Variants in PHF20 observed in about 807,000 individuals in gnomAD.
PHF20 encodes glioma-expressed antigen 2.
A neutral mutation model predicts 113.5 loss-of-function variants in PHF20; 23 were observed. That is an observed-to-expected ratio of 0.20 (90% confidence interval 0.15 to 0.29). The LOEUF (loss-of-function observed/expected upper bound fraction) is 0.29, where lower values mean the gene tolerates loss of function less well. PHF20 is among the 10% of genes least tolerant of loss of function. PHF20 has a pLI of 1.00. For synonymous variants in PHF20, 434 were observed against 457.3 expected (o/e 0.95, Z 0.65); for missense variants, 943 against 1,219.6 (o/e 0.77, Z 3.38).
intron 9 of PHF20, among the ~76,000 whole-genome samples, chr20:35,873,321 G>C (rs985694551): frequency 1.3e-5 from 2 of 151,792 alleles, no homozygotes; most frequent in East Asian, 3.9e-4. Context: ...GGTTGGCCTC[G>C]AACTCCTGAC....
At chr20:35,895,662 C>A (rs1199595491) in intron 9 of PHF20, among the ~76,000 whole-genome samples, 1 of 146,726 alleles carries the variant, frequency 6.8e-6, no homozygotes, top group Non-Finnish European at 1.5e-5. Context: ...TGTTTCACAT[C>A]GTGTCACTTT....
At chr20:35,795,156 C>T (rs1007348905) in intron 1 of PHF20, among the ~76,000 whole-genome samples, 1 of 149,186 alleles carries the variant, frequency 6.7e-6, no homozygotes, top group Non-Finnish European at 1.5e-5. Context: ...TGCACCATTG[C>T]ACTGTAGCCT....
At chr20:35,909,083 G>A (rs1190522628) in intron 10 of PHF20, among the ~76,000 whole-genome samples, 2 of 152,144 alleles carry the variant, frequency 1.3e-5, no homozygotes, top group Middle Eastern at 3.4e-3. Flanking sequence ...AGTAGAGAGA[G>A]AGGCACCTTG....
chr20:35,874,450 T>C (rs538027620), intron 9 of PHF20, among the ~76,000 whole-genome samples: 2 of 152,272 alleles, frequency 1.3e-5, no homozygotes, highest in South Asian at 4.2e-4. Flanking sequence ...TCTTATAGGT[T>C]CCTGATGACA....
At chr20:35,835,760 C>G (rs550325056) in intron 2 of PHF20, among the ~76,000 whole-genome samples, 40 of 152,126 alleles carry the variant, frequency 2.6e-4, no homozygotes, top group African/African-American at 8.9e-4. Context: ...TGAAACCCGT[C>G]TCTACTAAAA....
intron 11 of PHF20, 69 bp from the exon 12 acceptor site, chr20:35,913,964 T>A: frequency 1.4e-6 from 2 of 1,408,546 alleles, no homozygotes; most frequent in Non-Finnish European, 2.0e-6. Flanking sequence ...GTTGGTTGGA[T>A]GAGATTGATT....
chr20:35,883,027 CAAA>C (rs971975145), intron 9 of PHF20, among the ~76,000 whole-genome samples: 5 of 63,436 alleles, frequency 7.9e-5, no homozygotes, highest in Non-Finnish European at 6.6e-5. Context: ...CACTCTGTCT[CAAA>C]AAAAAAAAAA....
In PHF20 at chr20:35,839,476, C is replaced by T. The variant is rs961861471; in HGVS notation, c.84-3097C>T. ...TTATTTTAGAGAGGTTTACTAGCCT[C>T]AGGTAGGCTGAATGAATGAGAGGGT... On this transcript the variant is annotated intron_variant, in intron 2 of 17. Transcript: ENST00000374012. 7.2e-5 allele frequency among the ~76,000 whole-genome samples: 11 copies of T among 151,762 alleles called. No homozygotes were observed. The South Asian group carries it at 1.5e-3, about 20-fold the overall frequency.
In PHF20 at chr20:35,949,054, T is replaced by C. The variant is rs1186161583; in HGVS notation, c.*1427T>C. 6.5e-6 allele frequency: 1 copy of C among 152,674 alleles called. No individual in the cohort carries two copies. The highest frequency in any genetic ancestry group is 1.5e-5 in the Non-Finnish European group (1 of 68,044). 9.5% of individuals were successfully genotyped at this position (152,674 alleles called of 1,614,324 possible). ...ATTCAGGCCTCTGTACTAAAATCTA[T>C]TTCAGGGAATGTTCTGTCTAGTGAT... is the stretch of plus-strand genomic sequence containing the variant. On this transcript the variant is annotated 3_prime_UTR_variant, in exon 18 of 18. Coordinates refer to ENST00000374012, the MANE Select transcript of PHF20 (RefSeq NM_016436.5).
intron 13 of PHF20, among the ~76,000 whole-genome samples, chr20:35,918,604 A>G (rs949882782): frequency 2.0e-5 from 3 of 152,242 alleles, no homozygotes; most frequent in African/African-American, 4.8e-5. Context: ...GAGGCTAGGT[A>G]GACCAAGGTC....
chr20:35,785,858 C>G (rs1385149607), intron 1 of PHF20, among the ~76,000 whole-genome samples: 1 of 149,912 alleles, frequency 6.7e-6, no homozygotes, highest in Non-Finnish European at 1.5e-5. Flanking sequence ...CAGTGAAATC[C>G]CGTCTCTACT....
intron 2 of PHF20, among the ~76,000 whole-genome samples, chr20:35,809,505 G>C (rs752738770): frequency 6.6e-6 from 1 of 151,668 alleles, no homozygotes; most frequent in Non-Finnish European, 1.5e-5. Context: ...TTTGAACCTG[G>C]GAGGCAGAGG....
At chr20:35,783,888 G>T (rs1194321226) in intron 1 of PHF20, among the ~76,000 whole-genome samples, 3 of 151,952 alleles carry the variant, frequency 2.0e-5, no homozygotes, top group Non-Finnish European at 4.4e-5. Context: ...GGGAGGCTGA[G>T]GCAGGAGAAT....
At chr20:35,811,642 C>T (rs2041979634) in intron 2 of PHF20, among the ~76,000 whole-genome samples, 1 of 151,958 alleles carries the variant, frequency 6.6e-6, no homozygotes, top group Non-Finnish European at 1.5e-5. Context: ...CAGGGTTTCA[C>T]CATGTTAGGC....
chr20:35,939,622 C>T (rs554673319), intron 16 of PHF20, among the ~76,000 whole-genome samples: 1 of 152,274 alleles, frequency 6.6e-6, no homozygotes, highest in South Asian at 2.1e-4. Flanking sequence ...CCAAGAGCCA[C>T]TTTTGGTTTT....
At chr20:35,913,822 A>G in intron 11 of PHF20, among the ~76,000 whole-genome samples, 1 of 152,230 alleles carries the variant, frequency 6.6e-6, no homozygotes, top group East Asian at 1.9e-4. Context: ...CTAGCTTAGA[A>G]AAACAATCTT....
intron 9 of PHF20, among the ~76,000 whole-genome samples, chr20:35,888,442 C>T (rs2054779452): frequency 6.6e-6 from 1 of 152,112 alleles, no homozygotes; most frequent in Admixed American, 6.6e-5. Flanking sequence ...TTCCTCCTAA[C>T]AATAATTTGT....
At chr20:35,837,606 TAAAA>T (rs1290536436) in intron 2 of PHF20, among the ~76,000 whole-genome samples, 1 of 152,230 alleles carries the variant, frequency 6.6e-6, no homozygotes. Context: ...TTTTGGTAGG[TAAAA>T]AGCAGTTGAT....
intron 2 of PHF20, 55 bp downstream of exon 2, chr20:35,801,660 C>A: frequency 8.4e-7 from 1 of 1,184,874 alleles, no homozygotes; most frequent in Non-Finnish European, 1.3e-6. Flanking sequence ...TTTTTGCCAG[C>A]ACTGATAGAG....
Sources: allele counts gnomAD v4.1 joint callset (sites outside exome capture counted in the v4.1 genomes callset), GRCh38; gene constraint gnomAD v4.1.1; transcripts MANE v1.5; gene names NCBI Gene and HGNC (gene_info 2026-07-23, HGNC 2026-07-21).